The following EXOC5 variants were observed in gnomAD, a reference collection of about 807,000 sequenced individuals.
EXOC5 encodes the protein exocyst complex component 5.
EXOC5 carries 17 observed loss-of-function variants against 90.8 expected under a neutral mutation model. That is an observed-to-expected ratio of 0.19 (90% CI 0.13 to 0.28). The LOEUF (loss-of-function observed/expected upper bound fraction) is 0.28, where lower values mean the gene tolerates loss of function less well. EXOC5 is among the 10% of genes least tolerant of loss of function. EXOC5 has a pLI of 1.00. For synonymous variants in EXOC5, 260 were observed against 270.0 expected (o/e 0.96, Z 0.36); for missense variants, 569 against 830.6 (o/e 0.69, Z 3.87).
Position 57,219,418 on chromosome 14 carries a change from T to G in EXOC5, c.1430A>C (p.Asn477Thr). ...LAGIPSSDSR[N>T]ANLYFLDVVQ... is the part of the protein sequence containing the mutation. ...AACGTCCAAAAAATAAAGATTTGCATTCCTAGAATCTGAAGAGGGAATTCC... is the reference window on the plus strand; with the variant it reads ...AACGTCCAAAAAATAAAGATTTGCAGTCCTAGAATCTGAAGAGGGAATTCC... The change falls in exon 14 of 18, where the codon AAT (asparagine) becomes ACT (threonine). Residue 477 changes from asparagine to threonine, a missense_variant. Coordinates refer to ENST00000621441, the MANE Select transcript of EXOC5 (RefSeq NM_006544.4). The G allele has an allele frequency of 6.4e-7, 1 of 1,571,968 alleles. No individual in the cohort carries two copies. The highest frequency in any genetic ancestry group is 8.6e-7 in the Non-Finnish European group (1 of 1,159,300).
At chr14:57,260,588 A>G (rs1379527684) in intron 1 of EXOC5, among the ~76,000 whole-genome samples, 3 of 152,310 alleles carry the variant, frequency 2.0e-5, no homozygotes, top group Non-Finnish European at 4.4e-5. Flanking sequence ...AGTTATATAT[A>G]TTATGTCTAT....
intron 4 of EXOC5, among the ~76,000 whole-genome samples, chr14:57,241,116 A>T (rs1321263262): frequency 6.6e-6 from 1 of 152,138 alleles, no homozygotes; most frequent in African/African-American, 2.4e-5. Flanking sequence ...GGCTTTCCAA[A>T]GTGCTGGGAT....
intron 4 of EXOC5, among the ~76,000 whole-genome samples, chr14:57,241,077 C>T (rs563259015): frequency 7.2e-5 from 11 of 152,198 alleles, no homozygotes; most frequent in African/African-American, 2.6e-4. Flanking sequence ...TGGTCTTGAA[C>T]ACCTGGCCTC....
rs1884790674 is a variant in EXOC5 at position 57,268,819 on chromosome 14, A to G, written c.-171T>C. 1 of 1,386,430 alleles carries G rather than the reference A, an allele frequency of 7.2e-7. No individual in the cohort carries two copies. The highest frequency in any genetic ancestry group is 3.4e-5 in the Admixed American group (1 of 29,462). The allele number at this position is 1,386,430 out of a possible 1,614,324, so 85.9% of individuals were successfully genotyped here. On this transcript the variant is annotated 5_prime_UTR_variant, in exon 1 of 18. Transcript: ENST00000621441. ...AGGAGGGGCGGGAGAGCGGCCATGA[A>G]GCGAAGCCGCAAACGCTTGTCAGCT...
intron 15 of EXOC5, among the ~76,000 whole-genome samples, chr14:57,216,923 T>C (rs1428294350): frequency 2.0e-5 from 3 of 151,894 alleles, no homozygotes; most frequent in Non-Finnish European, 4.4e-5. Context: ...AACAACTCAA[T>C]AGCAAAAAAA....
At chr14:57,244,504 T>A in intron 3 of EXOC5, 145 bp from the exon 4 acceptor site, 1 of 637,324 alleles carries the variant, frequency 1.6e-6, no homozygotes, top group Non-Finnish European at 2.7e-6. Context: ...TGTGACATGA[T>A]CTGAAAATCT....
At chr14:57,227,620 G>A (rs866279212) in intron 12 of EXOC5, among the ~76,000 whole-genome samples, 1 of 151,982 alleles carries the variant, frequency 6.6e-6, no homozygotes, top group African/African-American at 2.4e-5. Flanking sequence ...AACAACACTT[G>A]GTCATCAGAC....
At chr14:57,238,776 A>C (rs1883759603) in intron 5 of EXOC5, among the ~76,000 whole-genome samples, 1 of 152,080 alleles carries the variant, frequency 6.6e-6, no homozygotes, top group Non-Finnish European at 1.5e-5. Context: ...AGCTAAGTAT[A>C]GCAATATATC....
intron 1 of EXOC5, among the ~76,000 whole-genome samples, chr14:57,263,263 G>A (rs1884569918): frequency 6.6e-6 from 1 of 152,130 alleles, no homozygotes; most frequent in African/African-American, 2.4e-5. Context: ...TTGTGTCCTG[G>A]AGTTGGAGAC....
intron 12 of EXOC5, 85 bp downstream of exon 12, chr14:57,229,649 G>T: frequency 1.1e-6 from 1 of 929,406 alleles, no homozygotes; most frequent in Non-Finnish European, 1.5e-6. Flanking sequence ...CCACGATTTT[G>T]GTATCCTCGG....
At chr14:57,256,568 A>G (rs527566809) in intron 1 of EXOC5, among the ~76,000 whole-genome samples, 4 of 152,186 alleles carry the variant, frequency 2.6e-5, no homozygotes, top group Non-Finnish European at 5.9e-5. Context: ...TATATGAAGA[A>G]GTAAAGTCTA....
In EXOC5 at chr14:57,204,661, G is replaced by A. The variant is rs1446732825; in HGVS notation, c.*3948C>T. On this transcript the variant is annotated 3_prime_UTR_variant, in exon 18 of 18. Coordinates refer to ENST00000621441, the MANE Select transcript of EXOC5 (RefSeq NM_006544.4). ...CTCTTTCTATTGTGAAAATTATCAA[G>A]CTGGAAAAGTATATAAAATAATACC... 1 of 152,334 alleles carries A rather than the reference G, an allele frequency of 6.6e-6. No individual in the cohort carries two copies. The highest frequency in any genetic ancestry group is 2.4e-5 in the African/African-American group (1 of 41,380). The allele number at this position is 152,334 out of a possible 1,614,324, so 9.4% of individuals were successfully genotyped here. A position where few individuals can be genotyped will look rare whatever the true frequency, so the allele number is the denominator to read the frequency against.
intron 12 of EXOC5, among the ~76,000 whole-genome samples, chr14:57,223,640 A>T (rs1217514644): frequency 1.3e-5 from 2 of 152,108 alleles, no homozygotes; most frequent in Non-Finnish European, 2.9e-5. Context: ...ACATCCAAAC[A>T]TCCATGAATA....
At chr14:57,236,650 T>C (rs776969994) in intron 6 of EXOC5, among the ~76,000 whole-genome samples, 1 of 152,090 alleles carries the variant, frequency 6.6e-6, no homozygotes, top group African/African-American at 2.4e-5. Flanking sequence ...GACCAATCTA[T>C]TGTGATCAAA....
chr14:57,252,343 C>T (rs1884220595), intron 1 of EXOC5, among the ~76,000 whole-genome samples: 1 of 152,090 alleles, frequency 6.6e-6, no homozygotes, highest in South Asian at 2.1e-4. Flanking sequence ...GCATTATTAA[C>T]ATGATTACAT....
At chr14:57,222,657 T>C (rs780465280) in intron 12 of EXOC5, among the ~76,000 whole-genome samples, 1 of 151,470 alleles carries the variant, frequency 6.6e-6, no homozygotes, top group South Asian at 2.1e-4. Flanking sequence ...TTGCAATCCA[T>C]TAGTGAAATC....
At chr14:57,266,687 A>T (rs1884677095) in intron 1 of EXOC5, among the ~76,000 whole-genome samples, 1 of 148,060 alleles carries the variant, frequency 6.8e-6, no homozygotes, top group Admixed American at 6.8e-5. Flanking sequence ...CATTATATAT[A>T]TGTATGTTAT....
chr14:57,263,191 T>C (rs1012134531), intron 1 of EXOC5, among the ~76,000 whole-genome samples: 1 of 152,320 alleles, frequency 6.6e-6, no homozygotes, highest in African/African-American at 2.4e-5. Context: ...TCCCCCAGGC[T>C]GGACCCAGTG....
chr14:57,234,623 T>C (rs1883602621), intron 7 of EXOC5, among the ~76,000 whole-genome samples: 2 of 150,486 alleles, frequency 1.3e-5, no homozygotes, highest in Middle Eastern at 3.5e-3. Context: ...TGGAATGCAA[T>C]GGTGTCATCT....
Sources: gnomAD v4.1 joint callset for allele counts (sites outside exome capture counted in the v4.1 genomes callset) on GRCh38, gnomAD v4.1.1 for gene constraint, MANE v1.5 for transcripts, NCBI Gene and HGNC (gene_info 2026-07-23, HGNC 2026-07-21) for gene names.